PRMT1: variants seen among roughly 807,000 people sequenced by gnomAD.
The protein encoded by PRMT1 is protein arginine methyltransferase 1, also known as protein arginine N-methyltransferase 1.
A neutral mutation model predicts 47.4 loss-of-function variants in PRMT1; 5 were observed. The observed-to-expected ratio is 0.11, with a 90% CI of 0.06 to 0.22. PRMT1 has a LOEUF of 0.22. PRMT1 is among the 10% of genes least tolerant of loss of function. The probability of loss-of-function intolerance (pLI) is 1.00; values close to 1 mark genes in which losing one functional copy is unlikely to be tolerated. For missense variants in PRMT1, 249 were observed against 518.4 expected (o/e 0.48, Z 5.05); for synonymous variants, 227 against 204.6 (o/e 1.11, Z -0.94).
intron 5 of PRMT1, among the ~76,000 whole-genome samples, chr19:49,682,775 C>T (rs1016301387): frequency 6.7e-6 from 1 of 148,276 alleles, no homozygotes; most frequent in Non-Finnish European, 1.5e-5. Flanking sequence ...GGTACATCCC[C>T]AGCATTTTTT....
intron 1 of PRMT1, 176 bp downstream of exon 1, chr19:49,677,492 T>G (rs1163912155): frequency 2.1e-6 from 1 of 466,884 alleles, no homozygotes; most frequent in East Asian, 3.5e-5. Flanking sequence ...GCTCCCTAGC[T>G]TCCAAGGGCC....
rs2122946069 is a variant in PRMT1 at position 49,680,362 on chromosome 19, A to T, written c.91-125A>T. The stretch of plus-strand genomic sequence containing the variant: ...GGGCAAGATGGCAGGCGGGGGCTGT[A>T]GGGTTGTCATGGTATGATTTTGGGG... On this transcript the variant is annotated intron_variant, in intron 2 of 10. Transcript: ENST00000454376. The surrounding 1 kb of genome is among the most constrained non-coding windows in gnomAD (Gnocchi z 4.2). 1.8e-6 allele frequency: 2 copies of T among 1,109,014 alleles called. No homozygotes were observed. The highest frequency in any genetic ancestry group is 2.0e-4 in the Middle Eastern group (1 of 4,946). The allele number at this position is 1,109,014 out of a possible 1,614,324, so 68.7% of individuals were successfully genotyped here.
intron 1 of PRMT1, among the ~76,000 whole-genome samples, chr19:49,679,332 G>A (rs796607174): frequency 3.3e-5 from 5 of 152,278 alleles, no homozygotes; most frequent in African/African-American, 1.2e-4. Context: ...CAGGAGCTGG[G>A]GTCTGGGGTA....
rs890020984 is a variant in PRMT1 at position 49,679,857 on chromosome 19, GT to G, written c.37-13del. The G allele has an allele frequency of 6.2e-7, 1 of 1,608,628 alleles. No individual in the cohort carries two copies. Among genetic ancestry groups the G allele is most frequent in the African/African-American group, 1.3e-5 (1 of 74,626 alleles). On this transcript the variant is annotated splice_polypyrimidine_tract_variant and intron_variant, in intron 1 of 10. Transcript: ENST00000454376. ...TCCCAGTAGCTAATCCTTTTTCCCT[GT>G]TACTCTCTCCTAGAATTTTGTAGCC...
Position 49,681,121 on chromosome 19 carries a change from C to T in PRMT1, c.192+533C>T, listed in dbSNP as rs571080819. 8.5e-5 allele frequency among the ~76,000 whole-genome samples: 13 copies of T among 152,344 alleles called. No homozygotes were observed. The South Asian group carries it at 2.7e-3, about 32-fold the overall frequency. Reference sequence around the variant, plus strand: ...CTAGAGTGCATTGGTGCAATCATGGCTCACTGCAGCCTCGACCTCCCCGGC... The same window carrying T: ...CTAGAGTGCATTGGTGCAATCATGGTTCACTGCAGCCTCGACCTCCCCGGC... On this transcript the variant is annotated intron_variant, in intron 3 of 10. Coordinates refer to ENST00000454376, the MANE Select transcript of PRMT1 (RefSeq NM_001536.6). This position sits in a 1 kb window ranked among gnomAD's most constrained non-coding sequence, Gnocchi z 4.4.
At chr19:49,683,419 T>C (rs1489473907) in intron 5 of PRMT1, among the ~76,000 whole-genome samples, 2 of 151,884 alleles carry the variant, frequency 1.3e-5, no homozygotes, top group African/African-American at 2.4e-5. Flanking sequence ...CCGGGCACAG[T>C]GGCTCACGCC....
rs938737876 is a variant in PRMT1, at chr19:49,681,194, C to A, written c.192+606C>A. 6.6e-6 allele frequency among the ~76,000 whole-genome samples: 1 copy of A among 152,110 alleles called. No homozygotes were observed. On this transcript the variant is annotated intron_variant, in intron 3 of 10. Coordinates refer to ENST00000454376, the MANE Select transcript of PRMT1 (RefSeq NM_001536.6). The surrounding 1 kb of genome is among the most constrained non-coding windows in gnomAD (Gnocchi z 4.4). ...CTTTCGGAGTAGCTGGGACCACAGG[C>A]GCGCGCCACCACGCCCAGCTGATGT...
At chr19:49,683,862 C>A in intron 5 of PRMT1, 65 bp from the exon 6 acceptor site, 1 of 1,561,712 alleles carries the variant, frequency 6.4e-7, no homozygotes, top group Non-Finnish European at 8.7e-7. Context: ...CTCTAGCCCC[C>A]GGGGGAGGTG....
At chr19:49,676,994 T>A, upstream of PRMT1, 1 of 362,124 alleles carries the variant, frequency 2.8e-6, no homozygotes, top group Non-Finnish European at 4.9e-6. Context: ...TTTTGCCCAA[T>A]CACCAGTCGC....
intron 5 of PRMT1, 98 bp downstream of exon 5, chr19:49,682,357 A>G (rs1467917660): frequency 1.6e-6 from 2 of 1,283,298 alleles, no homozygotes; most frequent in Non-Finnish European, 2.2e-6. Context: ...AGATGACCAC[A>G]GATTCAGCAG....
intron 5 of PRMT1, among the ~76,000 whole-genome samples, chr19:49,682,623 A>G (rs945282448): frequency 6.6e-6 from 1 of 152,054 alleles, no homozygotes; most frequent in South Asian, 2.1e-4. Context: ...ACGTAAATGC[A>G]TTTACATTCT....
rs1257241449 is a variant in PRMT1 at position 49,680,516 on chromosome 19, G to A, written c.120G>A (p.Glu40=). 1 of 1,614,112 alleles carries A rather than the reference G, an allele frequency of 6.2e-7. No individual in the cohort carries two copies. The highest frequency in any genetic ancestry group is 8.5e-7 in the Non-Finnish European group (1 of 1,179,992). Residue 40 remains glutamate (E), a synonymous_variant, in exon 3 of 11, where the codon GAG becomes GAA. Transcript: ENST00000454376. This position sits in a 1 kb window ranked among gnomAD's most constrained non-coding sequence, Gnocchi z 4.2. ...EVSCGQAESS[E]KPNAEDMTSK... ...CCTGTGGCCAGGCGGAAAGCAGTGAGAAGCCCAACGCTGAGGACATGACAT... is the reference window on the plus strand; with the variant it reads ...CCTGTGGCCAGGCGGAAAGCAGTGAAAAGCCCAACGCTGAGGACATGACAT...
At chr19:49,682,779 A>ATTTTTTTT (rs58218406) in intron 5 of PRMT1, among the ~76,000 whole-genome samples, 7 of 71,002 alleles carry the variant, frequency 9.9e-5, no homozygotes, top group South Asian at 5.5e-4. Context: ...CATCCCCAGC[A>ATTTTTTTT]TTTTTTTTTT....
chr19:49,678,259 G>C (rs1599935556), intron 1 of PRMT1: 1 of 152,180 alleles, frequency 6.6e-6, no homozygotes, highest in South Asian at 2.1e-4. Context: ...TATCTCCCCC[G>C]GGTCTTTGTG....
In PRMT1 at chr19:49,679,865, C is replaced by G. The variant is rs760629450; in HGVS notation, c.37-7C>G. The G allele has an allele frequency of 6.2e-7, 1 of 1,610,686 alleles. No homozygotes were observed. The highest frequency in any genetic ancestry group is 8.5e-7 in the Non-Finnish European group (1 of 1,177,340). ...GCTAATCCTTTTTCCCTGTTACTCT[C>G]TCCTAGAATTTTGTAGCCACCTTGG... On this transcript the variant is annotated splice_polypyrimidine_tract_variant and splice_region_variant and intron_variant, in intron 1 of 10. Coordinates refer to ENST00000454376, the MANE Select transcript of PRMT1 (RefSeq NM_001536.6).
Position 49,685,254 on chromosome 19 carries a change from T to C in PRMT1, c.759+217T>C, listed in dbSNP as rs775020680. On this transcript the variant is annotated intron_variant, in intron 8 of 10. Transcript: ENST00000454376. This position sits in a 1 kb window ranked among gnomAD's most constrained non-coding sequence, Gnocchi z 4.7. Reference sequence around the variant, plus strand: ...GTGAGAACCATGCTTGGCACTTGGCTTCTGGCGGAGGAAACACCCAAAGCT... The same window carrying C: ...GTGAGAACCATGCTTGGCACTTGGCCTCTGGCGGAGGAAACACCCAAAGCT... The C allele has an allele frequency of 7.7e-5, 113 of 1,473,410 alleles. No individual in the cohort carries two copies. Among genetic ancestry groups the C allele is most frequent in the Non-Finnish European group, 1.7e-5 (19 of 1,111,984 alleles). 91.3% of individuals were successfully genotyped at this position (1,473,410 alleles called of 1,614,324 possible). A position where few individuals can be genotyped will look rare whatever the true frequency, so the allele number is the denominator to read the frequency against.
upstream of PRMT1, chr19:49,677,264 A>G (rs772580706): frequency 4.9e-6 from 7 of 1,418,306 alleles, no homozygotes; most frequent in Admixed American, 2.7e-5. Flanking sequence ...CCGGAGGAGG[A>G]GTAGGTGCGG....
rs1006275447 is a variant in PRMT1, at chr19:49,680,747, G to A, written c.192+159G>A. On this transcript the variant is annotated intron_variant, in intron 3 of 10. Transcript: ENST00000454376. This position sits in a 1 kb window ranked among gnomAD's most constrained non-coding sequence, Gnocchi z 4.2. ...CTTCCTAGGGTCGCCTCGCCAAGCC[G>A]TTGCCTTGGAGACCGAGGTTAGCCT... Among the ~76,000 whole-genome samples the A allele has an allele frequency of 6.6e-6, 1 of 152,262 alleles. No individual in the cohort carries two copies. The highest frequency in any genetic ancestry group is 1.9e-4 in the East Asian group (1 of 5,200).
Position 49,685,364 on chromosome 19 carries a change from A to G in PRMT1, c.759+327A>G. ...GCACATGCACGCGGGCCACTGCAGAAGAGCACGGGGCCAGGCTGGGCTCCG... is the reference window on the plus strand; with the variant it reads ...GCACATGCACGCGGGCCACTGCAGAGGAGCACGGGGCCAGGCTGGGCTCCG... On this transcript the variant is annotated intron_variant, in intron 8 of 10. Coordinates refer to ENST00000454376, the MANE Select transcript of PRMT1 (RefSeq NM_001536.6). The surrounding 1 kb of genome is among the most constrained non-coding windows in gnomAD (Gnocchi z 4.7). 1 of 1,266,452 alleles carries G rather than the reference A, an allele frequency of 7.9e-7. No homozygotes were observed. Among genetic ancestry groups the G allele is most frequent in the Non-Finnish European group, 1.0e-6 (1 of 993,044 alleles). 78.5% of individuals were successfully genotyped at this position (1,266,452 alleles called of 1,614,324 possible).
Sources: allele counts gnomAD v4.1 joint callset (sites outside exome capture counted in the v4.1 genomes callset), GRCh38; gene constraint gnomAD v4.1.1; non-coding constraint Gnocchi (gnomAD v3.1); transcripts MANE v1.5; gene names NCBI Gene and HGNC (gene_info 2026-07-23, HGNC 2026-07-21).